Variants in GPR137B observed in about 807,000 individuals in gnomAD.
The protein encoded by GPR137B is G protein-coupled receptor 137B.
GPR137B carries 42 observed loss-of-function variants against 42.5 expected under a neutral mutation model. The observed-to-expected ratio is 0.99, with a 90% CI of 0.77 to 1.28. The LOEUF (loss-of-function observed/expected upper bound fraction) is 1.28. GPR137B is among the 50% of genes most tolerant of loss of function. The pLI is 0.00. For missense variants in GPR137B, 487 were observed against 493.9 expected, an observed-to-expected ratio of 0.99 and a Z score of 0.13; for synonymous variants, 218 against 209.7, an observed-to-expected ratio of 1.04 and a Z score of -0.34.
At chr1:236,185,474 CTG>C (rs1662994377) in intron 5 of GPR137B, among the ~76,000 whole-genome samples, 1 of 152,170 alleles carries the variant, frequency 6.6e-6, no homozygotes, top group African/African-American at 2.4e-5. Context: ...ACCAGAATCT[CTG>C]GGGTAGGTTC....
chr1:236,177,174 C>T (rs1251264756), intron 2 of GPR137B, among the ~76,000 whole-genome samples: 1 of 152,078 alleles, frequency 6.6e-6, no homozygotes, highest in African/African-American at 2.4e-5. Context: ...AAATGCCATT[C>T]GGATTAGCCT....
chr1:236,152,191 G>C lies in GPR137B; in HGVS notation c.414+9155G>C, dbSNP rs74900028. On this transcript the variant is annotated intron_variant, in intron 1 of 6. Coordinates refer to ENST00000366592, the MANE Select transcript of GPR137B (RefSeq NM_003272.4). ...AAAAAAATTGTATTGTCTGGGTGTGGTGAATTACACCTGTAATCCCAACAC... is the reference window on the plus strand; with the variant it reads ...AAAAAAATTGTATTGTCTGGGTGTGCTGAATTACACCTGTAATCCCAACAC... Among the ~76,000 whole-genome samples the C allele has an allele frequency of 0.017, 2,634 of 152,128 alleles. 128 individuals are homozygous for C. In the East Asian group the frequency reaches 0.18, roughly 11 times the overall value.
intron 2 of GPR137B, among the ~76,000 whole-genome samples, chr1:236,170,023 G>A (rs371799755): frequency 4.6e-4 from 59 of 127,748 alleles, no homozygotes; most frequent in African/African-American, 1.8e-3. Flanking sequence ...CTGGGCAACA[G>A]AGTGAGAATC....
At chr1:236,178,177 A>T (rs1244297160) in intron 2 of GPR137B, among the ~76,000 whole-genome samples, 1 of 152,172 alleles carries the variant, frequency 6.6e-6, no homozygotes, top group Non-Finnish European at 1.5e-5. Context: ...GTGAGCTCTC[A>T]GTCCTCACAA....
intron 1 of GPR137B, among the ~76,000 whole-genome samples, chr1:236,146,957 C>T (rs543877631): frequency 7.4e-4 from 112 of 152,246 alleles, no homozygotes; most frequent in African/African-American, 1.2e-3. Context: ...TACAGGTGTG[C>T]GCCACCACGC....
intron 1 of GPR137B, among the ~76,000 whole-genome samples, chr1:236,162,874 T>G (rs1662238720): frequency 6.6e-6 from 1 of 152,190 alleles, no homozygotes; most frequent in Non-Finnish European, 1.5e-5. Context: ...AAGGGAAATG[T>G]GGGGTCGGAG....
chr1:236,152,472 T>C (rs893293167), intron 1 of GPR137B, among the ~76,000 whole-genome samples: 12 of 151,868 alleles, frequency 7.9e-5, no homozygotes, highest in African/African-American at 4.8e-5. Context: ...AAAAAATGTA[T>C]TGGGGCTGGA....
chr1:236,153,041 G>A lies in GPR137B; in HGVS notation c.414+10005G>A, dbSNP rs552586139. Among the ~76,000 whole-genome samples the A allele has an allele frequency of 6.2e-4, 93 of 149,524 alleles. No homozygotes were observed. The South Asian group carries it at 0.01, about 17-fold the overall frequency. On this transcript the variant is annotated intron_variant, in intron 1 of 6. Coordinates refer to ENST00000366592, the MANE Select transcript of GPR137B (RefSeq NM_003272.4). ...ACTGCACTCCAGGCTGGGAGACAGA[G>A]CAATACTCCATCTCGGGGAAAAAAA... is the stretch of plus-strand genomic sequence containing the variant.
chr1:236,151,640 T>C (rs1412609022), intron 1 of GPR137B, among the ~76,000 whole-genome samples: 1 of 152,082 alleles, frequency 6.6e-6, no homozygotes. Context: ...GCCAGGATGA[T>C]CTCGATCTCT....
chr1:236,189,456 G>A (rs1663127454), intron 5 of GPR137B, among the ~76,000 whole-genome samples: 1 of 152,134 alleles, frequency 6.6e-6, no homozygotes, highest in Non-Finnish European at 1.5e-5. Context: ...TGGGCATTTT[G>A]TGCTGTAAAT....
intron 5 of GPR137B, among the ~76,000 whole-genome samples, chr1:236,197,880 G>A (rs1021863546): frequency 6.6e-5 from 10 of 151,796 alleles, no homozygotes; most frequent in Admixed American, 1.3e-4. Context: ...ACCGCCATGC[G>A]CAGCTAATTT....
chr1:236,172,673 T>C (rs371679560), intron 2 of GPR137B, among the ~76,000 whole-genome samples: 1 of 151,610 alleles, frequency 6.6e-6, no homozygotes, highest in African/African-American at 2.4e-5. Context: ...AAAAATACAG[T>C]GAGCCAGGTT....
chr1:236,202,275 G>C lies in GPR137B; in HGVS notation c.967-2851G>C, dbSNP rs189347325. 1.2e-3 allele frequency among the ~76,000 whole-genome samples: 189 copies of C among 152,184 alleles called. 5 individuals are homozygous for C. Among genetic ancestry groups the C allele is most frequent in the African/African-American group, 4.3e-3 (178 of 41,434 alleles). ...TGGACAGACTCAGGACCACTGTTTA[G>C]CCAGGATGTTGGAGGCAGTAGAATT... On this transcript the variant is annotated intron_variant, in intron 5 of 6. Coordinates refer to ENST00000366592, the MANE Select transcript of GPR137B (RefSeq NM_003272.4).
intron 6 of GPR137B, among the ~76,000 whole-genome samples, chr1:236,206,377 A>T (rs1254723905): frequency 2.0e-5 from 3 of 152,182 alleles, no homozygotes; most frequent in Admixed American, 2.0e-4. Flanking sequence ...ATACTATGTA[A>T]ACAGTTTGTA....
At chr1:236,207,280 C>A in intron 6 of GPR137B, 1 of 985,294 alleles carries the variant, frequency 1.0e-6, no homozygotes, top group Non-Finnish European at 1.2e-6. Context: ...ATGTAAAGAA[C>A]GTAAGCTGGA....
intron 1 of GPR137B, among the ~76,000 whole-genome samples, chr1:236,168,388 A>C (rs1299580707): frequency 6.7e-6 from 1 of 149,166 alleles, no homozygotes; most frequent in Non-Finnish European, 1.5e-5. Flanking sequence ...GCGCCATTGC[A>C]CTCCAGCTCG....
chr1:236,186,244 A>T (rs556932319), intron 5 of GPR137B, among the ~76,000 whole-genome samples: 82 of 38,776 alleles, frequency 2.1e-3, no homozygotes, highest in Non-Finnish European at 3.1e-3. Flanking sequence ...TAATAATATA[A>T]ATAATATATA....
intron 5 of GPR137B, among the ~76,000 whole-genome samples, chr1:236,204,184 T>C (rs1411324550): frequency 6.6e-6 from 1 of 152,248 alleles, no homozygotes; most frequent in Non-Finnish European, 1.5e-5. Flanking sequence ...GTTTTTATCT[T>C]TCATTCTGTT....
chr1:236,158,606 C>A (rs1662098979), intron 1 of GPR137B, among the ~76,000 whole-genome samples: 1 of 152,202 alleles, frequency 6.6e-6, no homozygotes, highest in African/African-American at 2.4e-5. Context: ...ACGTTTTGAA[C>A]CAGCGTGTGT....
Sources: gnomAD v4.1 joint callset for allele counts (sites outside exome capture counted in the v4.1 genomes callset) on GRCh38, gnomAD v4.1.1 for gene constraint, MANE v1.5 for transcripts, NCBI Gene and HGNC (gene_info 2026-07-23, HGNC 2026-07-21) for gene names.